The following MIPOL1 variants were observed in gnomAD, a reference collection of about 807,000 sequenced individuals.
MIPOL1 encodes mirror-image polydactyly gene 1 protein.
MIPOL1 carries 57 observed loss-of-function variants against 60.9 expected under a neutral mutation model. The ratio of observed to expected loss-of-function variants is 0.94; its 90% CI spans 0.76 to 1.17. The LOEUF (loss-of-function observed/expected upper bound fraction) is 1.17. Among genes scored for constraint, MIPOL1 ranks in the 50% most tolerant of loss-of-function variants. The probability of loss-of-function intolerance (pLI) is 0.00; values close to 1 mark genes in which losing one functional copy is unlikely to be tolerated. For missense variants in MIPOL1, 551 were observed against 511.6 expected, an observed-to-expected ratio of 1.08 and a Z score of -0.74; for synonymous variants, 179 against 168.8, an observed-to-expected ratio of 1.06 and a Z score of -0.47.
intron 11 of MIPOL1, among the ~76,000 whole-genome samples, chr14:37,447,877 T>C (rs2094360877): frequency 5.3e-5 from 8 of 152,280 alleles, no homozygotes; most frequent in Admixed American, 3.3e-4. Context: ...GGTACCTATC[T>C]TTTTAATGTG....
intron 12 of MIPOL1, among the ~76,000 whole-genome samples, chr14:37,517,379 A>G (rs1166223130): frequency 6.6e-6 from 1 of 152,306 alleles, no homozygotes; most frequent in South Asian, 2.1e-4. Context: ...TAACTTTTGA[A>G]AGGGATTCTT....
chr14:37,385,586 C>T (rs1307999628), intron 10 of MIPOL1: 1 of 152,016 alleles, frequency 6.6e-6, no homozygotes, highest in African/African-American at 2.4e-5. Flanking sequence ...CTAAACTTTA[C>T]ACTTTTATTT....
intron 9 of MIPOL1, among the ~76,000 whole-genome samples, chr14:37,348,257 A>G (rs1475356248): frequency 6.6e-6 from 1 of 152,222 alleles, no homozygotes. Context: ...CCTCTAAATT[A>G]ACTTTTAAAA....
At chr14:37,348,602 T>C (rs139321385) in intron 9 of MIPOL1, among the ~76,000 whole-genome samples, 217 of 151,992 alleles carry the variant, frequency 1.4e-3, no homozygotes, top group African/African-American at 4.8e-3. Flanking sequence ...AAAATGCCTC[T>C]TAATGGTTAT....
chr14:37,393,406 G>T (rs1276325274), intron 10 of MIPOL1, among the ~76,000 whole-genome samples: 11 of 378 alleles, frequency 0.029, no homozygotes, highest in East Asian at 0.33. Flanking sequence ...TTTTGTTTTT[G>T]TGTGTGTGTG....
intron 1 of MIPOL1, among the ~76,000 whole-genome samples, chr14:37,214,893 C>T (rs1202793617): frequency 6.6e-6 from 1 of 151,842 alleles, no homozygotes; most frequent in East Asian, 2.0e-4. Context: ...CCCTTTCCCT[C>T]GGGGAGTTTA....
intron 1 of MIPOL1, among the ~76,000 whole-genome samples, chr14:37,216,062 C>CAAAAAAAAA (rs71449980): frequency 2.3e-5 from 2 of 85,812 alleles, no homozygotes; most frequent in East Asian, 3.6e-4. Context: ...ACCTCCATCT[C>CAAAAAAAAA]AAAAAAAAAA....
chr14:37,518,775 G>A (rs1302515180), intron 12 of MIPOL1, among the ~76,000 whole-genome samples: 1 of 152,062 alleles, frequency 6.6e-6, no homozygotes, highest in Non-Finnish European at 1.5e-5. Context: ...TCTGGGTCAG[G>A]GAAAATACAG....
At chr14:37,311,435 G>A (rs547650358) in intron 9 of MIPOL1, among the ~76,000 whole-genome samples, 4 of 152,208 alleles carry the variant, frequency 2.6e-5, no homozygotes, top group Non-Finnish European at 5.9e-5. Flanking sequence ...TTGCTGACAA[G>A]TTGTTATGTA....
At chr14:37,448,678 T>G (rs896203438) in intron 11 of MIPOL1, among the ~76,000 whole-genome samples, 1 of 152,188 alleles carries the variant, frequency 6.6e-6, no homozygotes, top group African/African-American at 2.4e-5. Flanking sequence ...GCTGTGCTGT[T>G]GTCTTTTAAA....
At chr14:37,400,020 T>C (rs767005510) in intron 10 of MIPOL1, 2 of 152,136 alleles carry the variant, frequency 1.3e-5, no homozygotes, top group Non-Finnish European at 1.5e-5. Flanking sequence ...GAAGGAGGAA[T>C]TGGACAAGCC....
chr14:37,419,394 C>T (rs2093829235), intron 10 of MIPOL1, among the ~76,000 whole-genome samples: 1 of 152,102 alleles, frequency 6.6e-6, no homozygotes, highest in African/African-American at 2.4e-5. Flanking sequence ...TTGGGGGTAA[C>T]AAGAATATTC....
intron 10 of MIPOL1, among the ~76,000 whole-genome samples, chr14:37,384,382 T>G (rs1272122637): frequency 1.5e-5 from 1 of 67,296 alleles, no homozygotes; most frequent in Non-Finnish European, 3.0e-5. Context: ...GAGGAAATTT[T>G]GGGAAAAATA....
chr14:37,308,223 C>A, intron 8 of MIPOL1, 126 bp from the exon 9 acceptor site: 2 of 1,184,454 alleles, frequency 1.7e-6, no homozygotes, highest in South Asian at 1.7e-5. Flanking sequence ...ATCTTTGCTG[C>A]AATATGAAAA....
At chr14:37,427,414 GGGAATAC>G (rs1403621578) in intron 11 of MIPOL1, among the ~76,000 whole-genome samples, 1 of 152,098 alleles carries the variant, frequency 6.6e-6, no homozygotes, top group Non-Finnish European at 1.5e-5. Flanking sequence ...GTTGGAGAAG[GGGAATAC>G]GGAGTTATAA....
chr14:37,348,269 C>G (rs1297118180), intron 9 of MIPOL1, among the ~76,000 whole-genome samples: 1 of 152,030 alleles, frequency 6.6e-6, no homozygotes, highest in Non-Finnish European at 1.5e-5. Flanking sequence ...CTTTTAAAAA[C>G]TGTACCTCTG....
intron 1 of MIPOL1, among the ~76,000 whole-genome samples, chr14:37,233,913 A>T (rs904757113): frequency 7.9e-5 from 12 of 152,198 alleles, no homozygotes; most frequent in African/African-American, 2.9e-4. Context: ...GCTCTTGACC[A>T]GTCCACTTTT....
Position 37,351,485 on chromosome 14 carries a change from C to A in MIPOL1, c.829-18032C>A, listed in dbSNP as rs553710987. Among the ~76,000 whole-genome samples the A allele has an allele frequency of 9.8e-3, 1,495 of 152,060 alleles. 9 individuals are homozygous for A. The highest frequency in any genetic ancestry group is 0.031 in the Middle Eastern group (9 of 294). ...TCTAGATCCCTGAGGAATCGCCACACTTACTTCCACAATGGTTGAACTAGT... is the reference window on the plus strand; with the variant it reads ...TCTAGATCCCTGAGGAATCGCCACAATTACTTCCACAATGGTTGAACTAGT... On this transcript the variant is annotated intron_variant, in intron 9 of 12. Transcript: ENST00000684589.
At chr14:37,218,924 CAA>C (rs150658949) in intron 1 of MIPOL1, among the ~76,000 whole-genome samples, 33,881 of 106,338 alleles carry the variant, frequency 0.32, 3,816 homozygotes, top group Admixed American at 0.4. Flanking sequence ...GACCCTATTT[CAA>C]AAAAAAAAAA....
Sources: allele counts gnomAD v4.1 joint callset (sites outside exome capture counted in the v4.1 genomes callset), GRCh38; gene constraint gnomAD v4.1.1; transcripts MANE v1.5; gene names NCBI Gene and HGNC (gene_info 2026-07-23, HGNC 2026-07-21).